The following SLC25A21 variants were observed in gnomAD, a reference collection of about 807,000 sequenced individuals.
SLC25A21 encodes the protein mitochondrial 2-oxodicarboxylate carrier.
Under a neutral mutation model 43.8 loss-of-function variants are expected in SLC25A21, and 47 were observed. That is an observed-to-expected ratio of 1.07 (90% CI 0.85 to 1.37). SLC25A21 has a LOEUF of 1.37. Ranked by LOEUF, SLC25A21 falls within the 40% of genes most tolerant of loss-of-function variation. The pLI is 0.00. For missense variants in SLC25A21, 352 were observed against 350.2 expected (o/e 1.00, Z -0.04); for synonymous variants, 131 against 121.3 (o/e 1.08, Z -0.52).
At chr14:36,981,958 T>A (rs907420030) in intron 1 of SLC25A21, among the ~76,000 whole-genome samples, 2 of 152,226 alleles carry the variant, frequency 1.3e-5, no homozygotes, top group Non-Finnish European at 2.9e-5. Flanking sequence ...TATACTGAAC[T>A]GAATGATTGT....
intron 1 of SLC25A21, among the ~76,000 whole-genome samples, chr14:36,895,241 A>T (rs990103129): frequency 2.0e-4 from 30 of 152,122 alleles, no homozygotes; most frequent in Non-Finnish European, 4.3e-4. Flanking sequence ...CTATTCGGAG[A>T]TTCAACTTCT....
chr14:36,936,150 T>C (rs1411470322), intron 1 of SLC25A21, among the ~76,000 whole-genome samples: 1 of 152,146 alleles, frequency 6.6e-6, no homozygotes, highest in African/African-American at 2.4e-5. Flanking sequence ...TAAAGAAACT[T>C]GCATCTGCAT....
chr14:36,815,658 A>C (rs1193064057), intron 2 of SLC25A21, among the ~76,000 whole-genome samples: 1 of 152,112 alleles, frequency 6.6e-6, no homozygotes. Context: ...TAGCCCTCCA[A>C]ATGTGGAAGT....
At chr14:36,893,739 T>A (rs1322902565) in intron 1 of SLC25A21, among the ~76,000 whole-genome samples, 1 of 152,190 alleles carries the variant, frequency 6.6e-6, no homozygotes, top group Non-Finnish European at 1.5e-5. Flanking sequence ...AAGGAAGGGA[T>A]CCAGTTTCAG....
chr14:37,153,127 C>T (rs1963787431), intron 1 of SLC25A21, among the ~76,000 whole-genome samples: 1 of 152,152 alleles, frequency 6.6e-6, no homozygotes, highest in African/African-American at 2.4e-5. Flanking sequence ...AGGAGAGCCC[C>T]TTGACCATCC....
chr14:36,833,858 A>G (rs1889117503), intron 2 of SLC25A21, among the ~76,000 whole-genome samples: 1 of 152,218 alleles, frequency 6.6e-6, no homozygotes. Context: ...AATTACTTAA[A>G]CTTGTGTCAG....
At chr14:36,813,809 C>A in intron 3 of SLC25A21, 109 bp downstream of exon 3, 2 of 724,634 alleles carry the variant, frequency 2.8e-6, no homozygotes, top group Non-Finnish European at 4.7e-6. Flanking sequence ...TAGAAAGGTA[C>A]CCTTTTAAGT....
chr14:37,143,991 A>C (rs1381888795), intron 1 of SLC25A21, among the ~76,000 whole-genome samples: 1 of 152,200 alleles, frequency 6.6e-6, no homozygotes, highest in Non-Finnish European at 1.5e-5. Flanking sequence ...GCAGTTATTG[A>C]CAAGAGTCAG....
intron 1 of SLC25A21, among the ~76,000 whole-genome samples, chr14:37,164,039 G>A (rs1276483650): frequency 2.0e-5 from 3 of 152,160 alleles, no homozygotes; most frequent in South Asian, 4.1e-4. Flanking sequence ...GTGAGGAAGG[G>A]CTGGTTTAAC....
intron 1 of SLC25A21, among the ~76,000 whole-genome samples, chr14:37,015,520 A>G (rs2138745486): frequency 6.6e-6 from 1 of 151,912 alleles, no homozygotes; most frequent in Non-Finnish European, 1.5e-5. Flanking sequence ...ATGTGTCTTT[A>G]TAGCAGCATG....
At chr14:36,905,923 A>T (rs1891521839) in intron 1 of SLC25A21, among the ~76,000 whole-genome samples, 2 of 152,180 alleles carry the variant, frequency 1.3e-5, no homozygotes, top group South Asian at 4.1e-4. Context: ...GTGTGGCTTA[A>T]GAAAGAGGAG....
At chr14:36,870,906 T>C (rs184382820) in intron 2 of SLC25A21, 1 of 152,162 alleles carries the variant, frequency 6.6e-6, no homozygotes, top group African/African-American at 2.4e-5. Context: ...GAGTATCATA[T>C]TTCTTCTCCT....
intron 1 of SLC25A21, 143 bp from the exon 2 acceptor site, chr14:36,875,147 G>A: frequency 3.9e-6 from 2 of 515,770 alleles, no homozygotes; most frequent in Non-Finnish European, 6.9e-6. Context: ...ATAGGCTAGT[G>A]GCAAAAGACA....
Position 36,680,283 on chromosome 14 carries a change from C to A in SLC25A21, c.*375G>T. On this transcript the variant is annotated 3_prime_UTR_variant, in exon 10 of 10. Coordinates refer to ENST00000331299, the MANE Select transcript of SLC25A21 (RefSeq NM_030631.4). ...TTTGATTTATTTTCAATAGTTTAAG[C>A]ATTTCTAGACCTCTTAGGAAAAATG... The A allele has an allele frequency of 1.0e-6, 1 of 970,190 alleles. No individual in the cohort carries two copies. Among genetic ancestry groups the A allele is most frequent in the East Asian group, 1.1e-4 (1 of 8,846 alleles). The allele number at this position is 970,190 out of a possible 1,614,324, so 60.1% of individuals were successfully genotyped here.
intron 2 of SLC25A21, among the ~76,000 whole-genome samples, chr14:36,851,775 T>C (rs1205753035): frequency 6.6e-6 from 1 of 152,216 alleles, no homozygotes; most frequent in Non-Finnish European, 1.5e-5. Flanking sequence ...AAATGAGTAG[T>C]TAAGCATTTT....
At chr14:36,985,164 T>C (rs1432648416) in intron 1 of SLC25A21, among the ~76,000 whole-genome samples, 1 of 109,246 alleles carries the variant, frequency 9.2e-6, no homozygotes, top group African/African-American at 3.5e-5. Flanking sequence ...TATCACACTC[T>C]GGGGACTGTT....
chr14:36,779,101 G>A (rs188475147), intron 3 of SLC25A21, among the ~76,000 whole-genome samples: 94 of 151,284 alleles, frequency 6.2e-4, no homozygotes, highest in Middle Eastern at 6.8e-3. Flanking sequence ...ATCTCACTTA[G>A]CCAAATGTCC....
intron 3 of SLC25A21, among the ~76,000 whole-genome samples, chr14:36,754,642 T>C (rs997744882): frequency 6.6e-6 from 1 of 151,890 alleles, no homozygotes; most frequent in African/African-American, 2.4e-5. Context: ...CCCTGTGCCA[T>C]ATCACACAGC....
intron 1 of SLC25A21, among the ~76,000 whole-genome samples, chr14:36,995,380 G>A (rs1415790748): frequency 1.3e-5 from 2 of 152,034 alleles, no homozygotes; most frequent in South Asian, 2.1e-4. Flanking sequence ...ATGCTTTTCT[G>A]TTTTTTATAA....
Sources: gnomAD v4.1 joint callset for allele counts (sites outside exome capture counted in the v4.1 genomes callset) on GRCh38, gnomAD v4.1.1 for gene constraint, MANE v1.5 for transcripts, NCBI Gene and HGNC (gene_info 2026-07-23, HGNC 2026-07-21) for gene names.